The following SFMBT1 variants were observed in gnomAD, a reference collection of about 807,000 sequenced individuals.
The protein encoded by SFMBT1 is scm-like with four MBT domains protein 1.
SFMBT1 carries 32 observed loss-of-function variants against 108.7 expected under a neutral mutation model. The observed-to-expected ratio is 0.29, with a 90% confidence interval of 0.22 to 0.40. The LOEUF (loss-of-function observed/expected upper bound fraction) is 0.40. Among genes scored for constraint, SFMBT1 ranks in the 10% least tolerant of loss-of-function variants. The pLI is 1.00. For missense variants in SFMBT1, 816 were observed against 1,059.6 expected (o/e 0.77, Z 3.19); for synonymous variants, 348 against 369.5 (o/e 0.94, Z 0.67).
chr3:53,027,544 C>T (rs1243873207), intron 1 of SFMBT1, among the ~76,000 whole-genome samples: 2 of 152,182 alleles, frequency 1.3e-5, no homozygotes, highest in African/African-American at 4.8e-5. Flanking sequence ...CTTTTTAACA[C>T]AGCAATAACA....
intron 1 of SFMBT1, among the ~76,000 whole-genome samples, chr3:52,971,426 A>C (rs1041642522): frequency 7.2e-5 from 11 of 152,178 alleles, no homozygotes; most frequent in Admixed American, 6.5e-5. Flanking sequence ...GGAACAATTG[A>C]AAAGAAACTT....
intron 2 of SFMBT1, among the ~76,000 whole-genome samples, chr3:52,963,411 A>G (rs944500331): frequency 6.6e-6 from 1 of 152,074 alleles, no homozygotes; most frequent in African/African-American, 2.4e-5. Flanking sequence ...GTTGGTGGGA[A>G]AACCACAAGA....
At chr3:53,045,128 G>A (rs1432040218) in intron 1 of SFMBT1, 3 of 151,652 alleles carry the variant, frequency 2.0e-5, no homozygotes, top group African/African-American at 7.3e-5. Flanking sequence ...GGGCGCTGCC[G>A]GGTCGGCGCG....
At chr3:53,026,216 G>GTAA (rs1699485366) in intron 1 of SFMBT1, among the ~76,000 whole-genome samples, 1 of 152,162 alleles carries the variant, frequency 6.6e-6, no homozygotes, top group Non-Finnish European at 1.5e-5. Flanking sequence ...CAACAGTAAA[G>GTAA]TAATAAGCTG....
At chr3:52,925,994 C>T (rs780822482) in intron 10 of SFMBT1, 37 bp downstream of exon 10, 7 of 1,427,100 alleles carry the variant, frequency 4.9e-6, no homozygotes, top group Non-Finnish European at 5.5e-6. Context: ...TCCCTGCAGC[C>T]CTGCCATAGT....
chr3:52,962,482 A>AT (rs1453311882), intron 2 of SFMBT1, among the ~76,000 whole-genome samples: 47 of 151,444 alleles, frequency 3.1e-4, no homozygotes, highest in South Asian at 8.3e-4. Flanking sequence ...ACCAAACAGT[A>AT]TTTTTTTTTG....
At chr3:52,949,100 T>C (rs549894246) in intron 3 of SFMBT1, among the ~76,000 whole-genome samples, 6 of 152,298 alleles carry the variant, frequency 3.9e-5, no homozygotes, top group Non-Finnish European at 8.8e-5. Context: ...TGTTGTTTAA[T>C]CTCTAAGTAA....
intron 17 of SFMBT1, 131 bp from the exon 18 acceptor site, chr3:52,907,864 G>T (rs1168218663): frequency 3.7e-6 from 3 of 808,462 alleles, no homozygotes; most frequent in Non-Finnish European, 5.7e-6. Context: ...TCCATAGAGT[G>T]GAATAAACAG....
chr3:52,912,522 C>T lies in SFMBT1; in HGVS notation c.1730+16G>A, dbSNP rs1242973066. The T allele has an allele frequency of 1.9e-6, 3 of 1,602,104 alleles. No individual in the cohort carries two copies. In the South Asian group the frequency reaches 3.3e-5, roughly 18 times the overall value. On this transcript the variant is annotated intron_variant, in intron 16 of 20. Coordinates refer to ENST00000394752, the MANE Select transcript of SFMBT1 (RefSeq NM_016329.4). ...GACAAGTAAAAGTAAAGAGTAAAAA[C>T]AAGTAGTCCACTCACTTGGCTTTTA...
intron 1 of SFMBT1, among the ~76,000 whole-genome samples, chr3:52,992,042 G>A (rs1183144410): frequency 3.8e-5 from 5 of 130,114 alleles, no homozygotes. Context: ...CTACCTTCTA[G>A]GATAATCTAT....
At chr3:52,947,045 T>C (rs1703391970) in intron 3 of SFMBT1, among the ~76,000 whole-genome samples, 1 of 152,064 alleles carries the variant, frequency 6.6e-6, no homozygotes, top group Admixed American at 6.5e-5. Flanking sequence ...GTGCTGGGAT[T>C]ACAGGCGTGA....
intron 1 of SFMBT1, among the ~76,000 whole-genome samples, chr3:53,000,144 G>A (rs1698493684): frequency 6.7e-6 from 1 of 150,028 alleles, no homozygotes; most frequent in South Asian, 2.1e-4. Context: ...TTACAGGCGT[G>A]AGCCACCGCA....
At position 52,954,297 on chromosome 3, in the gene SFMBT1, C is replaced by T; in HGVS notation, c.123+20G>A. The T allele has an allele frequency of 6.4e-7, 1 of 1,551,798 alleles. No homozygotes were observed. Among genetic ancestry groups the T allele is most frequent in the Non-Finnish European group, 8.9e-7 (1 of 1,127,058 alleles). ...ATAAAGGGATATAACACCAGTAAGG[C>T]AAATATAGTTATTGCTTACATGTTT... is the stretch of plus-strand genomic sequence containing the variant. On this transcript the variant is annotated intron_variant, in intron 3 of 20. Transcript: ENST00000394752.
At chr3:52,947,734 A>AT (rs557371575) in intron 3 of SFMBT1, among the ~76,000 whole-genome samples, 1,573 of 140,928 alleles carry the variant, frequency 0.011, 19 homozygotes, top group African/African-American at 0.035. Flanking sequence ...CTATATATGT[A>AT]TTTTTTTTTT....
chr3:52,912,669 A>G (rs577097305), intron 15 of SFMBT1, 22 bp from the exon 16 acceptor site: 5 of 1,559,766 alleles, frequency 3.2e-6, no homozygotes, highest in Non-Finnish European at 4.4e-6. Context: ...TTTAAAGCAG[A>G]AACACAGATT....
In SFMBT1 at chr3:52,905,003, G is replaced by A. The variant is rs772746101; in HGVS notation, c.*133C>T. On this transcript the variant is annotated 3_prime_UTR_variant, in exon 21 of 21. Coordinates refer to ENST00000394752, the MANE Select transcript of SFMBT1 (RefSeq NM_016329.4). ...TCCTCACTGTGAGTCCTCCTTCCCC[G>A]AAAGTGCAAAGAGAGCAAGCTGATA... The A allele has an allele frequency of 5.4e-5, 67 of 1,247,320 alleles. No individual in the cohort carries two copies. Among genetic ancestry groups the A allele is most frequent in the African/African-American group, 3.1e-5 (2 of 64,710 alleles). 77.3% of individuals were successfully genotyped at this position (1,247,320 alleles called of 1,614,324 possible).
chr3:53,012,775 G>A (rs1304465876), intron 1 of SFMBT1, among the ~76,000 whole-genome samples: 8 of 151,452 alleles, frequency 5.3e-5, no homozygotes, highest in Non-Finnish European at 1.2e-4. Flanking sequence ...CAAAGGTTAG[G>A]GCCTACATAT....
At chr3:52,951,956 C>G (rs1040992044) in intron 3 of SFMBT1, among the ~76,000 whole-genome samples, 2 of 152,150 alleles carry the variant, frequency 1.3e-5, no homozygotes, top group Non-Finnish European at 2.9e-5. Context: ...GAAATAAAAT[C>G]CTTATCTGAA....
intron 1 of SFMBT1, among the ~76,000 whole-genome samples, chr3:52,977,193 T>C (rs990968643): frequency 6.6e-6 from 1 of 152,136 alleles, no homozygotes; most frequent in Non-Finnish European, 1.5e-5. Flanking sequence ...ACCAAAATGT[T>C]TGCTTGAGCA....
Sources: gnomAD v4.1 joint callset for allele counts (sites outside exome capture counted in the v4.1 genomes callset) on GRCh38, gnomAD v4.1.1 for gene constraint, MANE v1.5 for transcripts, NCBI Gene and HGNC (gene_info 2026-07-23, HGNC 2026-07-21) for gene names.